MOB3A: variants seen among roughly 807,000 people sequenced by gnomAD.
The protein encoded by MOB3A is MOB kinase activator 3A.
MOB3A carries 17 observed loss-of-function variants against 17.8 expected under a neutral mutation model. The ratio of observed to expected loss-of-function variants is 0.95; its 90% CI spans 0.65 to 1.43. The LOEUF (loss-of-function observed/expected upper bound fraction) is 1.43. Among genes scored for constraint, MOB3A ranks in the 40% most tolerant of loss-of-function variants. MOB3A has a pLI of 0.00. For synonymous variants in MOB3A, 124 were observed against 133.2 expected, an observed-to-expected ratio of 0.93 and a Z score of 0.48; for missense variants, 333 against 310.8, an observed-to-expected ratio of 1.07 and a Z score of -0.54.
chr19:2,089,245 G>C (rs1294736328), intron 1 of MOB3A, among the ~76,000 whole-genome samples: 1 of 152,186 alleles, frequency 6.6e-6, no homozygotes, highest in Non-Finnish European at 1.5e-5. Flanking sequence ...GGGCTCACCC[G>C]TGCTGCACGT....
At chr19:2,094,148 G>A (rs2017643413) in intron 1 of MOB3A, among the ~76,000 whole-genome samples, 1 of 148,786 alleles carries the variant, frequency 6.7e-6, no homozygotes, top group Admixed American at 6.9e-5. Context: ...CAGGGTTCAT[G>A]CCATTCTCTT....
At chr19:2,077,678 C>T (rs2017429774) in intron 3 of MOB3A, among the ~76,000 whole-genome samples, 1 of 152,236 alleles carries the variant, frequency 6.6e-6, no homozygotes, top group South Asian at 2.1e-4. Context: ...GATGCTGATC[C>T]TGTCATTCTC....
intron 4 of MOB3A, among the ~76,000 whole-genome samples, chr19:2,075,408 G>A (rs1186306915): frequency 6.6e-6 from 1 of 152,200 alleles, no homozygotes; most frequent in Admixed American, 6.5e-5. Context: ...GCCAAGGTGG[G>A]AGGATTGCTT....
At chr19:2,074,342 C>G (rs1013834628) in intron 4 of MOB3A, among the ~76,000 whole-genome samples, 7 of 151,586 alleles carry the variant, frequency 4.6e-5, no homozygotes, top group African/African-American at 1.7e-4. Flanking sequence ...CTGTCTTATA[C>G]AGACTGGGAC....
intron 2 of MOB3A, among the ~76,000 whole-genome samples, chr19:2,079,110 G>A (rs1239729028): frequency 6.6e-6 from 1 of 152,210 alleles, no homozygotes; most frequent in Admixed American, 6.5e-5. Flanking sequence ...CCCAAAGGGG[G>A]CCACCTCCTC....
At chr19:2,083,253 C>G (rs868670379) in intron 2 of MOB3A, among the ~76,000 whole-genome samples, 1 of 152,316 alleles carries the variant, frequency 6.6e-6, no homozygotes, top group Admixed American at 6.5e-5. Context: ...TGGTATCCCC[C>G]GGGGCCGGGG....
At chr19:2,095,550 C>T (rs1393986570) in intron 1 of MOB3A, among the ~76,000 whole-genome samples, 1 of 152,166 alleles carries the variant, frequency 6.6e-6, no homozygotes, top group Non-Finnish European at 1.5e-5. Context: ...CGGGGTCCTG[C>T]GGGAGGGCAG....
chr19:2,079,339 A>G (rs1489711934), intron 2 of MOB3A, among the ~76,000 whole-genome samples: 7 of 152,238 alleles, frequency 4.6e-5, no homozygotes, highest in Admixed American at 4.6e-4. Flanking sequence ...GGCCTCCACA[A>G]AGGAAGCCAC....
chr19:2,071,727 A>G lies in MOB3A; in HGVS notation c.*1668T>C, dbSNP rs1345264739. ...GGGGCCACACAGAAAAAGGGGTTCA[A>G]CTGGAAGTTTGCAGCATCTGGGAAA... On this transcript the variant is annotated 3_prime_UTR_variant, in exon 5 of 5. Transcript: ENST00000357066. 6.6e-6 allele frequency: 1 copy of G among 152,488 alleles called. No homozygotes were observed. The highest frequency in any genetic ancestry group is 1.5e-5 in the Non-Finnish European group (1 of 68,246). The allele number at this position is 152,488 out of a possible 1,614,324, so 9.4% of individuals were successfully genotyped here.
At chr19:2,091,664 G>A (rs764058003) in intron 1 of MOB3A, among the ~76,000 whole-genome samples, 7 of 151,574 alleles carry the variant, frequency 4.6e-5, no homozygotes, top group Non-Finnish European at 7.4e-5. Context: ...GATTACAGGC[G>A]TGAGCTACTG....
intron 2 of MOB3A, among the ~76,000 whole-genome samples, chr19:2,084,555 C>A (rs1358269825): frequency 6.6e-6 from 1 of 152,016 alleles, no homozygotes; most frequent in Non-Finnish European, 1.5e-5. Flanking sequence ...ACCTTGTGGA[C>A]TGGCAGAGTT....
intron 2 of MOB3A, among the ~76,000 whole-genome samples, chr19:2,081,321 C>G (rs889626719): frequency 2.0e-5 from 3 of 152,216 alleles, no homozygotes; most frequent in East Asian, 1.9e-4. Context: ...GGCGTGGTGG[C>G]TCACGCCTGT....
rs1001874719 is a variant in MOB3A, at chr19:2,092,618, C to T, written c.-274+3608G>A. Among the ~76,000 whole-genome samples, 33 of 151,946 alleles carry T rather than the reference C, an allele frequency of 2.2e-4. 1 individual carries two copies. In the East Asian group the frequency reaches 5.2e-3, roughly 24 times the overall value. On this transcript the variant is annotated intron_variant, in intron 1 of 4. Coordinates refer to ENST00000357066, the MANE Select transcript of MOB3A (RefSeq NM_130807.3). ...CTAAAACACCAAAAAATTAGCCGGGCGTGGTGGCGCATGCCTGTAATCCCA... is the reference window on the plus strand; with the variant it reads ...CTAAAACACCAAAAAATTAGCCGGGTGTGGTGGCGCATGCCTGTAATCCCA...
At position 2,071,309 on chromosome 19, in the gene MOB3A, G is replaced by A. The variant is rs1019809921; in HGVS notation, c.*2086C>T. ...GAGTTCTTTGAGGGCTCGGCTGGGA[G>A]GTCCCTCTCCGGGGGGCTCCAAGTG... On this transcript the variant is annotated 3_prime_UTR_variant, in exon 5 of 5. Coordinates refer to ENST00000357066, the MANE Select transcript of MOB3A (RefSeq NM_130807.3). The A allele has an allele frequency of 2.0e-5, 3 of 152,260 alleles. No individual in the cohort carries two copies. Among genetic ancestry groups the A allele is most frequent in the African/African-American group, 7.2e-5 (3 of 41,470 alleles). The allele number at this position is 152,260 out of a possible 1,614,324, so 9.4% of individuals were successfully genotyped here. A position where few individuals can be genotyped will look rare whatever the true frequency, so the allele number is the denominator to read the frequency against.
chr19:2,078,701 T>A, intron 2 of MOB3A, 22 bp from the exon 3 acceptor site: 1 of 786,616 alleles, frequency 1.3e-6, no homozygotes, highest in South Asian at 2.1e-5. Context: ...AGGGGAATCA[T>A]GACCTGCTGG....
At chr19:2,086,625 T>A in intron 1 of MOB3A, among the ~76,000 whole-genome samples, 1 of 151,876 alleles carries the variant, frequency 6.6e-6, no homozygotes, top group Non-Finnish European at 1.5e-5. Context: ...CCCAAAGTGC[T>A]GGGATTACAG....
chr19:2,085,124 C>T (rs773017162), intron 2 of MOB3A, 51 bp downstream of exon 2: 2 of 152,128 alleles, frequency 1.3e-5, no homozygotes, highest in Non-Finnish European at 2.9e-5. Context: ...GGGGTGGCCT[C>T]GGGACCCTGA....
At chr19:2,074,189 G>A (rs1216544751) in intron 4 of MOB3A, among the ~76,000 whole-genome samples, 2 of 152,190 alleles carry the variant, frequency 1.3e-5, no homozygotes, top group Non-Finnish European at 2.9e-5. Flanking sequence ...AGCTACTCAG[G>A]AGGCTGAGGG....
In MOB3A at chr19:2,094,945, C is replaced by A. The variant is rs552924117; in HGVS notation, c.-274+1281G>T. 1.2e-4 allele frequency among the ~76,000 whole-genome samples: 18 copies of A among 152,250 alleles called. No homozygotes were observed. The East Asian group carries it at 3.5e-3, about 29-fold the overall frequency. ...CAGCACTTTGGGAGGCCGAGGCGGG[C>A]GGATCACCTGAGGTCAGGAGCTCAA... On this transcript the variant is annotated intron_variant, in intron 1 of 4. Coordinates refer to ENST00000357066, the MANE Select transcript of MOB3A (RefSeq NM_130807.3).
Sources: gnomAD v4.1 joint callset for allele counts (sites outside exome capture counted in the v4.1 genomes callset) on GRCh38, gnomAD v4.1.1 for gene constraint, MANE v1.5 for transcripts, NCBI Gene and HGNC (gene_info 2026-07-23, HGNC 2026-07-21) for gene names.